DOCK10: variants seen among roughly 807,000 people sequenced by gnomAD.
DOCK10 encodes the protein dedicator of cytokinesis 10.
A neutral mutation model predicts 280.1 loss-of-function variants in DOCK10; 145 were observed. The ratio of observed to expected loss-of-function variants is 0.52; its 90% CI spans 0.45 to 0.59. The LOEUF is 0.59. DOCK10 is among the 20% of genes least tolerant of loss of function. The pLI is 0.00. For synonymous variants in DOCK10, 915 were observed against 942.2 expected, an observed-to-expected ratio of 0.97 and a Z score of 0.53; for missense variants, 2,368 against 2,651.7, an observed-to-expected ratio of 0.89 and a Z score of 2.35.
At chr2:224,971,283 G>A (rs1032601654) in intron 1 of DOCK10, among the ~76,000 whole-genome samples, 2 of 152,124 alleles carry the variant, frequency 1.3e-5, no homozygotes, top group African/African-American at 4.8e-5. Context: ...AGGGCAGGAA[G>A]GTGCAGTGGG....
chr2:224,842,815 G>A (rs537909016), intron 22 of DOCK10, among the ~76,000 whole-genome samples: 1 of 152,256 alleles, frequency 6.6e-6, no homozygotes, highest in South Asian at 2.1e-4. Flanking sequence ...AGGCGGGGAG[G>A]CCAGCACGAC....
At position 224,799,704 on chromosome 2, in the gene DOCK10, A is replaced by G. The variant is rs572676602; in HGVS notation, c.4506+447T>C. ...TTGGATGGTCAGTCTTTTTAACTTT[A>G]GCCATTCTAAGTAGTGATAATCATT... On this transcript the variant is annotated intron_variant, in intron 41 of 55. Coordinates refer to ENST00000258390, the MANE Select transcript of DOCK10 (RefSeq NM_014689.3). 2.0e-5 allele frequency among the ~76,000 whole-genome samples: 3 copies of G among 152,344 alleles called. No individual in the cohort carries two copies. In the East Asian group the frequency reaches 5.8e-4, roughly 29 times the overall value.
chr2:224,905,279 C>A (rs1430958736), intron 3 of DOCK10, among the ~76,000 whole-genome samples: 6 of 113,268 alleles, frequency 5.3e-5, no homozygotes, highest in Admixed American at 5.0e-4. Flanking sequence ...CTCGCTCTAT[C>A]GCCCAGGCCG....
Position 224,809,621 on chromosome 2 carries a change from G to A in DOCK10, c.3410-1535C>T, listed in dbSNP as rs535062291. 1.6e-4 allele frequency among the ~76,000 whole-genome samples: 24 copies of A among 152,098 alleles called. No individual in the cohort carries two copies. The East Asian group carries it at 2.5e-3, about 16-fold the overall frequency. On this transcript the variant is annotated intron_variant, in intron 31 of 55. Transcript: ENST00000258390. ...ATATAGAAAAAGTGTTCAATATCACGGATCATCAGGGAAATGCAAATCAAA... is the reference window on the plus strand; with the variant it reads ...ATATAGAAAAAGTGTTCAATATCACAGATCATCAGGGAAATGCAAATCAAA...
chr2:224,886,759 T>TTA (rs376429809), intron 4 of DOCK10, among the ~76,000 whole-genome samples: 10 of 151,958 alleles, frequency 6.6e-5, no homozygotes, highest in Admixed American at 2.6e-4. Flanking sequence ...GAGTTACTAA[T>TTA]TATATATATA....
chr2:224,769,570 C>T (rs1281379171), intron 55 of DOCK10, among the ~76,000 whole-genome samples: 1 of 152,206 alleles, frequency 6.6e-6, no homozygotes, highest in Non-Finnish European at 1.5e-5. Context: ...CAGGAAGCAA[C>T]ACTTGGCTTT....
chr2:224,990,731 T>C (rs1706104510), intron 1 of DOCK10, among the ~76,000 whole-genome samples: 1 of 152,200 alleles, frequency 6.6e-6, no homozygotes, highest in Non-Finnish European at 1.5e-5. Context: ...CCCATGGTAA[T>C]GTGACACAAG....
At chr2:224,921,356 TTTTG>T (rs992741474) in intron 2 of DOCK10, among the ~76,000 whole-genome samples, 1 of 151,052 alleles carries the variant, frequency 6.6e-6, no homozygotes, top group African/African-American at 2.4e-5. Context: ...TTAAGAAGTT[TTTTG>T]TTTGTTTGCT....
intron 14 of DOCK10, chr2:224,860,933 TA>T (rs1697460759): frequency 1.3e-5 from 2 of 152,186 alleles, no homozygotes; most frequent in African/African-American, 4.8e-5. Context: ...TGCCTGTTTC[TA>T]AAACCTCAGA....
At chr2:225,004,276 G>A (rs971080277) in intron 1 of DOCK10, among the ~76,000 whole-genome samples, 1 of 152,224 alleles carries the variant, frequency 6.6e-6, no homozygotes, top group Admixed American at 6.5e-5. Flanking sequence ...AAGACACAGA[G>A]AGAAAAGGAA....
In DOCK10 at chr2:224,796,343, A is replaced by G. The variant is rs771688434; in HGVS notation, c.4911T>C (p.Asn1637=). 13 of 1,567,658 alleles carry G rather than the reference A, an allele frequency of 8.3e-6. No homozygotes were observed. The highest frequency in any genetic ancestry group is 1.1e-5 in the Non-Finnish European group (13 of 1,154,862). Residue 1637 remains asparagine, a synonymous_variant, in exon 44 of 56, where the codon AAT becomes AAC. Transcript: ENST00000258390. ...RFQHSLAITN[N]FANGDKQMKN... ...TCATTTGCTTATCTCCATTGGCGAA[A>G]TTATTGGTAATTGCAAGCGAATGTT...
rs534938688 is a variant in DOCK10 at position 224,793,144 on chromosome 2, T to A, written c.5213-72A>T. ...TAATACAAGCTTTAGAGACTACAAA[T>A]CGTTAGCCAATGATGCATTCTCGTT... On this transcript the variant is annotated intron_variant, in intron 46 of 55. Transcript: ENST00000258390. The A allele has an allele frequency of 1.0e-3, 1,166 of 1,165,522 alleles. 11 individuals carry two copies. In the African/African-American group the frequency reaches 0.016, roughly 16 times the overall value. 72.2% of individuals were successfully genotyped at this position (1,165,522 alleles called of 1,614,324 possible).
intron 3 of DOCK10, among the ~76,000 whole-genome samples, chr2:224,907,612 A>T (rs1311225398): frequency 6.6e-6 from 1 of 151,438 alleles, no homozygotes; most frequent in Non-Finnish European, 1.5e-5. Context: ...GGTGTGAACC[A>T]GGGAGGCGGA....
At chr2:224,787,181 C>T in intron 49 of DOCK10, 46 bp from the exon 50 acceptor site, 1 of 1,606,826 alleles carries the variant, frequency 6.2e-7, no homozygotes, top group Non-Finnish European at 8.5e-7. Flanking sequence ...TGCTGTCATA[C>T]AAATAAGGGA....
chr2:224,807,629 T>C (rs1693484446), intron 33 of DOCK10, 39 bp downstream of exon 33: 1 of 1,348,410 alleles, frequency 7.4e-7, no homozygotes, highest in African/African-American at 1.5e-5. Flanking sequence ...AGACAAATTC[T>C]TTATTAACAT....
intron 55 of DOCK10, among the ~76,000 whole-genome samples, chr2:224,768,369 A>G (rs1690196991): frequency 6.6e-6 from 1 of 152,238 alleles, no homozygotes; most frequent in African/African-American, 2.4e-5. Context: ...GTTCAGAACC[A>G]GGAGAAGGTG....
At chr2:225,023,376 A>G (rs1689832951) in intron 1 of DOCK10, among the ~76,000 whole-genome samples, 1 of 152,144 alleles carries the variant, frequency 6.6e-6, no homozygotes, top group South Asian at 2.1e-4. Flanking sequence ...TTTTTGACAC[A>G]TTTGCAATAT....
chr2:225,035,570 ATATATATATATATAT>A (rs1559986668), intron 1 of DOCK10, among the ~76,000 whole-genome samples: 789 of 58,226 alleles, frequency 0.014, 56 homozygotes, highest in African/African-American at 0.035. Flanking sequence ...ATATATATAT[ATATATATATATATAT>A]ATAACACTGA....
intron 1 of DOCK10, among the ~76,000 whole-genome samples, chr2:225,021,851 C>G (rs994707816): frequency 2.6e-5 from 4 of 152,180 alleles, no homozygotes; most frequent in Non-Finnish European, 5.9e-5. Context: ...TAAGCCAGCA[C>G]AGTTTTTTGG....
Sources: allele counts gnomAD v4.1 joint callset (sites outside exome capture counted in the v4.1 genomes callset), GRCh38; gene constraint gnomAD v4.1.1; transcripts MANE v1.5; gene names NCBI Gene and HGNC (gene_info 2026-07-23, HGNC 2026-07-21).